Variants in NRG3 observed in about 807,000 individuals in gnomAD.
NRG3 encodes the protein pro-neuregulin-3, membrane-bound isoform.
In NRG3, 31 loss-of-function variants were observed where a neutral mutation model predicts 66.9. The ratio of observed to expected loss-of-function variants is 0.46; its 90% CI spans 0.35 to 0.63. The LOEUF (loss-of-function observed/expected upper bound fraction) is 0.63. Ranked by LOEUF, NRG3 falls within the 20% of genes least tolerant of loss-of-function variation. NRG3 has a pLI of 0.00. For missense variants in NRG3, 910 were observed against 878.9 expected (o/e 1.04, Z -0.45); for synonymous variants, 393 against 359.4 (o/e 1.09, Z -1.06).
At chr10:82,356,727 C>T (rs937961276) in intron 1 of NRG3, among the ~76,000 whole-genome samples, 1 of 152,172 alleles carries the variant, frequency 6.6e-6, no homozygotes. Context: ...CTGTGTGAAT[C>T]TGAAGGCCTT....
intron 1 of NRG3, among the ~76,000 whole-genome samples, chr10:82,307,147 A>G (rs1056146470): frequency 3.3e-5 from 5 of 152,140 alleles, no homozygotes; most frequent in East Asian, 3.8e-4. Context: ...TGTACTCTCT[A>G]TTAAAGGGCA....
chr10:82,437,845 G>C (rs928147320), intron 2 of NRG3, among the ~76,000 whole-genome samples: 2 of 152,078 alleles, frequency 1.3e-5, no homozygotes, highest in Admixed American at 6.5e-5. Flanking sequence ...CTCACTTCAG[G>C]CTCTATTCAG....
rs79877110 is a variant in NRG3, at chr10:82,718,910, C to T, written c.954-19667C>T. On this transcript the variant is annotated intron_variant, in intron 2 of 8. Coordinates refer to ENST00000372141, the MANE Select transcript of NRG3 (RefSeq NM_001010848.4). Reference sequence around the variant, plus strand: ...AATTGTAGTGCAAATTTTTTTAGATCGAGGTCTGGTAATAAATCCCCCAGA... The same window carrying T: ...AATTGTAGTGCAAATTTTTTTAGATTGAGGTCTGGTAATAAATCCCCCAGA... Among the ~76,000 whole-genome samples, 1,073 of 152,230 alleles carry T rather than the reference C, an allele frequency of 7.0e-3. 15 individuals are homozygous for T. The highest frequency in any genetic ancestry group is 0.052 in the East Asian group (267 of 5,168).
intron 2 of NRG3, among the ~76,000 whole-genome samples, chr10:82,489,999 G>C (rs548389246): frequency 6.6e-6 from 1 of 152,152 alleles, no homozygotes; most frequent in Non-Finnish European, 1.5e-5. Context: ...CAGAGAAGAT[G>C]AATGATTTCT....
At chr10:82,293,990 T>C (rs1486736637) in intron 1 of NRG3, among the ~76,000 whole-genome samples, 2 of 152,158 alleles carry the variant, frequency 1.3e-5, no homozygotes, top group African/African-American at 4.8e-5. Context: ...ATGGGCCAGT[T>C]TGAATTTGCT....
At chr10:82,960,338 T>C (rs1850505610) in intron 6 of NRG3, among the ~76,000 whole-genome samples, 1 of 152,184 alleles carries the variant, frequency 6.6e-6, no homozygotes, top group Non-Finnish European at 1.5e-5. Flanking sequence ...CTTCATTCCT[T>C]AGCAACTGGT....
chr10:82,566,818 G>A (rs906285325), intron 2 of NRG3, among the ~76,000 whole-genome samples: 8 of 151,818 alleles, frequency 5.3e-5, no homozygotes, highest in South Asian at 4.1e-4. Flanking sequence ...AAAAATAGTC[G>A]TCTGAAACAT....
chr10:82,163,308 C>G (rs1410746622), intron 1 of NRG3, among the ~76,000 whole-genome samples: 1 of 152,106 alleles, frequency 6.6e-6, no homozygotes, highest in Non-Finnish European at 1.5e-5. Context: ...TTACTTTGCA[C>G]CTTAAGCTCT....
chr10:82,887,430 C>G lies in NRG3; in HGVS notation c.1054+21993C>G, dbSNP rs149599559. The stretch of plus-strand genomic sequence containing the variant: ...AGAATTTGGCTGTGAATTATGTTTT[C>G]CAATCCCTGCTGTATAGAGCAAATT... On this transcript the variant is annotated intron_variant, in intron 4 of 8. Transcript: ENST00000372141. Among the ~76,000 whole-genome samples the G allele has an allele frequency of 2.9e-3, 447 of 152,294 alleles. 2 individuals carry two copies. The highest frequency in any genetic ancestry group is 0.01 in the African/African-American group (432 of 41,562).
intron 1 of NRG3, among the ~76,000 whole-genome samples, chr10:82,063,653 A>G (rs891692854): frequency 6.6e-6 from 1 of 152,162 alleles, no homozygotes; most frequent in African/African-American, 2.4e-5. Context: ...CTAAAGAAAG[A>G]AAACTAAAGA....
At chr10:82,463,251 C>T (rs1339200408) in intron 2 of NRG3, among the ~76,000 whole-genome samples, 1 of 152,194 alleles carries the variant, frequency 6.6e-6, no homozygotes, top group African/African-American at 2.4e-5. Flanking sequence ...CAAGCACAGA[C>T]TTGGAGAAGG....
intron 2 of NRG3, among the ~76,000 whole-genome samples, chr10:82,510,134 TAGA>T (rs1317694204): frequency 6.6e-6 from 1 of 152,106 alleles, no homozygotes; most frequent in Non-Finnish European, 1.5e-5. Flanking sequence ...TCCATACCTC[TAGA>T]AGATTAATCA....
chr10:81,882,379 C>G (rs1021272246), intron 1 of NRG3, among the ~76,000 whole-genome samples: 2 of 152,022 alleles, frequency 1.3e-5, no homozygotes, highest in African/African-American at 4.8e-5. Flanking sequence ...TTTAGGGACT[C>G]TCATGGAAGG....
At chr10:82,098,058 C>CGT (rs1564559760) in intron 1 of NRG3, among the ~76,000 whole-genome samples, 2 of 108,662 alleles carry the variant, frequency 1.8e-5, no homozygotes, top group Non-Finnish European at 3.7e-5. Context: ...CATATATACA[C>CGT]ACACACACAC....
At chr10:82,398,467 C>A (rs2086857400) in intron 2 of NRG3, among the ~76,000 whole-genome samples, 1 of 149,952 alleles carries the variant, frequency 6.7e-6, no homozygotes, top group African/African-American at 2.5e-5. Flanking sequence ...CAACTGGGAT[C>A]TTCTAGTCAT....
chr10:82,290,782 C>T (rs1055256758), intron 1 of NRG3, among the ~76,000 whole-genome samples: 2 of 150,050 alleles, frequency 1.3e-5, no homozygotes, highest in African/African-American at 5.0e-5. Context: ...TACAGGCATC[C>T]ACCACCACGC....
At chr10:82,712,969 A>C (rs550919156) in intron 2 of NRG3, among the ~76,000 whole-genome samples, 1 of 151,974 alleles carries the variant, frequency 6.6e-6, no homozygotes, top group Non-Finnish European at 1.5e-5. Context: ...AAAATACAAA[A>C]ATTAGCCAGG....
intron 1 of NRG3, among the ~76,000 whole-genome samples, chr10:82,255,532 GGAGTAT>G (rs2134143896): frequency 6.6e-6 from 1 of 152,228 alleles, no homozygotes; most frequent in Admixed American, 6.5e-5. Flanking sequence ...AACTGGGTGT[GGAGTAT>G]GAGGAAAACT....
rs1564985027 is a variant in NRG3 at position 82,491,317 on chromosome 10, A to ATATATATATATATATATATATAT, written c.953+132449_953+132450insTATATATATATATATATATATAT. ...AAATATATATATATATATATATATA[A>ATATATATATATATATATATATAT]AATAAAGATGCATCGCTTTCTAACA... On this transcript the variant is annotated intron_variant, in intron 2 of 8. Transcript: ENST00000372141. Among the ~76,000 whole-genome samples the ATATATATATATATATATATATAT allele has an allele frequency of 1.3e-3, 43 of 32,970 alleles. 1 individual carries two copies. The highest frequency in any genetic ancestry group is 2.5e-3 in the African/African-American group (43 of 17,050). 21.6% of individuals were successfully genotyped at this position (32,970 alleles called of 152,430 possible). A position where few individuals can be genotyped will look rare whatever the true frequency, so the allele number is the denominator to read the frequency against.
Sources: gnomAD v4.1 joint callset for allele counts (sites outside exome capture counted in the v4.1 genomes callset) on GRCh38, gnomAD v4.1.1 for gene constraint, MANE v1.5 for transcripts, NCBI Gene and HGNC (gene_info 2026-07-23, HGNC 2026-07-21) for gene names.